NPR3: variants seen among roughly 807,000 people sequenced by gnomAD.
NPR3 encodes the protein atrial natriuretic peptide receptor 3.
NPR3 carries 34 observed loss-of-function variants against 54.5 expected under a neutral mutation model. That is an observed-to-expected ratio of 0.62 (90% CI 0.47 to 0.83). NPR3 has a LOEUF of 0.83. Among genes scored for constraint, NPR3 ranks in the 40% least tolerant of loss-of-function variants. NPR3 has a pLI of 0.00. For missense variants in NPR3, 674 were observed against 720.8 expected, an observed-to-expected ratio of 0.94 and a Z score of 0.74; for synonymous variants, 289 against 297.1, an observed-to-expected ratio of 0.97 and a Z score of 0.28.
intron 2 of NPR3, among the ~76,000 whole-genome samples, chr5:32,732,829 T>C (rs992672667): frequency 6.6e-6 from 1 of 152,136 alleles, no homozygotes; most frequent in Non-Finnish European, 1.5e-5. Flanking sequence ...TTATTATTTA[T>C]TACTATTTTA....
chr5:32,692,422 A>G (rs1352497142), intron 1 of NPR3, among the ~76,000 whole-genome samples: 3 of 152,234 alleles, frequency 2.0e-5, no homozygotes, highest in Non-Finnish European at 4.4e-5. Flanking sequence ...TTTGTAGGAT[A>G]GATGAGGCAC....
Position 32,711,942 on chromosome 5 carries a change from C to T in NPR3, c.166C>T (p.Leu56=), listed in dbSNP as rs1199139572. 1.3e-6 allele frequency: 2 copies of T among 1,547,342 alleles called. No homozygotes were observed. The highest frequency in any genetic ancestry group is 2.7e-5 in the African/African-American group (2 of 72,896). The change falls in exon 1 of 8, where the codon CTG becomes TTG. Residue 56 remains leucine (L), a synonymous_variant. Transcript: ENST00000265074. ...GCTGCCGCCACAGAAGATCGAGGTG[C>T]TGGTGTTACTGCCCCAGGATGACTC... The part of the protein sequence containing the change: ...EALPPQKIEV[L]VLLPQDDSYL...
chr5:32,734,944 A>G (rs1165745258), intron 2 of NPR3, among the ~76,000 whole-genome samples: 1 of 151,960 alleles, frequency 6.6e-6, no homozygotes, highest in Non-Finnish European at 1.5e-5. Flanking sequence ...GTTCTCTGTT[A>G]GCTCCTCTCT....
chr5:32,774,941 G>A (rs1173743), intron 4 of NPR3, 98 bp downstream of exon 4: 12 of 909,376 alleles, frequency 1.3e-5, no homozygotes, highest in Non-Finnish European at 2.0e-5. Context: ...CCTTTCCAGC[G>A]TCTTGCTTTT....
At position 32,724,688 on chromosome 5, in the gene NPR3, C is replaced by T. The variant is rs374865702; in HGVS notation, c.770-10C>T. ...GGGTGCCTCATGTGTGTTGTTTGTT[C>T]CTCCCCTAGTGGTGATCATGTGTGC... On this transcript the variant is annotated splice_polypyrimidine_tract_variant and intron_variant, in intron 1 of 7. Coordinates refer to ENST00000265074, the MANE Select transcript of NPR3 (RefSeq NM_001204375.2). The T allele has an allele frequency of 2.5e-6, 4 of 1,613,844 alleles. No individual in the cohort carries two copies. The African/African-American group carries it at 4.0e-5, about 16-fold the overall frequency.
intron 2 of NPR3, among the ~76,000 whole-genome samples, chr5:32,729,714 A>C (rs1399401610): frequency 6.6e-6 from 1 of 152,218 alleles, no homozygotes; most frequent in Non-Finnish European, 1.5e-5. Context: ...TTGGGTATCT[A>C]AACATAGATT....
chr5:32,740,153 C>T (rs1376559075), intron 3 of NPR3, among the ~76,000 whole-genome samples: 1 of 152,206 alleles, frequency 6.6e-6, no homozygotes, highest in Non-Finnish European at 1.5e-5. Context: ...AGGATTTCTC[C>T]TAGTTTCTCT....
chr5:32,695,778 G>A (rs1391577545), intron 1 of NPR3, among the ~76,000 whole-genome samples: 1 of 152,204 alleles, frequency 6.6e-6, no homozygotes, highest in Non-Finnish European at 1.5e-5. Context: ...GATCAATGAT[G>A]TTGAGCACCT....
chr5:32,743,287 G>A (rs947489678), intron 3 of NPR3, among the ~76,000 whole-genome samples: 24 of 152,114 alleles, frequency 1.6e-4, no homozygotes, highest in African/African-American at 4.8e-4. Flanking sequence ...CCAGTTTCCC[G>A]CAATGGTAAC....
At chr5:32,758,569 AT>A (rs1369122531) in intron 3 of NPR3, among the ~76,000 whole-genome samples, 1 of 145,178 alleles carries the variant, frequency 6.9e-6, no homozygotes, top group African/African-American at 2.6e-5. Context: ...GGATGCATTG[AT>A]TTTTTTGAAG....
chr5:32,711,074 A>G (rs991495808), upstream of NPR3, among the ~76,000 whole-genome samples: 1 of 152,064 alleles, frequency 6.6e-6, no homozygotes, highest in Admixed American at 6.5e-5. Context: ...TTCAGCTTTA[A>G]GGAAAAGGCA....
intron 3 of NPR3, among the ~76,000 whole-genome samples, chr5:32,772,926 C>T (rs752753321): frequency 1.3e-5 from 2 of 152,190 alleles, no homozygotes; most frequent in Non-Finnish European, 2.9e-5. Flanking sequence ...AACTGCTTCT[C>T]GGCACTAGCT....
intron 2 of NPR3, among the ~76,000 whole-genome samples, chr5:32,729,036 T>TTG (rs1491300037): frequency 0.054 from 549 of 10,236 alleles, 20 homozygotes; most frequent in African/African-American, 0.1. Flanking sequence ...TTTTGTTTTG[T>TTG]TTTTTTTTTT....
At chr5:32,700,388 A>T (rs1740636703) in intron 1 of NPR3, among the ~76,000 whole-genome samples, 1 of 151,866 alleles carries the variant, frequency 6.6e-6, no homozygotes, top group African/African-American at 2.4e-5. Flanking sequence ...TTGTTTTTTT[A>T]AATTCTTTTT....
At chr5:32,761,903 A>G (rs1741186071) in intron 3 of NPR3, among the ~76,000 whole-genome samples, 1 of 152,056 alleles carries the variant, frequency 6.6e-6, no homozygotes, top group Admixed American at 6.6e-5. Context: ...TCAACCTGTC[A>G]TCTACATTAG....
rs752555973 is a variant in NPR3 at position 32,784,898 on chromosome 5, TAAAGGTAC to T, written c.1514+18_1514+25del. The T allele has an allele frequency of 5.1e-6, 8 of 1,581,016 alleles. No individual in the cohort carries two copies. The highest frequency in any genetic ancestry group is 7.0e-6 in the Non-Finnish European group (8 of 1,149,934). ...TACTTTTTCAGGTGAGGACGGTTTG[TAAAGGTAC>T]AATTCACTCTCTTCTGCTGTCTTTG... On this transcript the variant is annotated intron_variant, in intron 7 of 7. Coordinates refer to ENST00000265074, the MANE Select transcript of NPR3 (RefSeq NM_001204375.2).
At position 32,693,984 on chromosome 5, in the gene NPR3, T is replaced by G. The variant is rs549098471; in HGVS notation, c.100+4798T>G. Among the ~76,000 whole-genome samples the G allele has an allele frequency of 6.8e-3, 1,038 of 152,312 alleles. 8 individuals carry two copies. Among genetic ancestry groups the G allele is most frequent in the Non-Finnish European group, 9.8e-3 (664 of 68,032 alleles). On this transcript the variant is annotated intron_variant, in intron 1 of 5. Transcript: ENST00000509104. ...TGCATAGCCACTTTTATTTTCACCC[T>G]TTCTTTTCTCGTTGCCTCTGATGGC...
chr5:32,760,414 T>C (rs577701923), intron 3 of NPR3, among the ~76,000 whole-genome samples: 80 of 152,330 alleles, frequency 5.3e-4, no homozygotes, highest in African/African-American at 1.9e-3. Flanking sequence ...AATGCTACCT[T>C]GCTGTAGTTT....
At chr5:32,739,081 C>A in intron 3 of NPR3, 51 bp downstream of exon 3, 1 of 1,563,834 alleles carries the variant, frequency 6.4e-7, no homozygotes, top group South Asian at 1.2e-5. Flanking sequence ...AAACTGTCTT[C>A]TAATTAAATC....
Sources: gnomAD v4.1 joint callset for allele counts (sites outside exome capture counted in the v4.1 genomes callset) on GRCh38, gnomAD v4.1.1 for gene constraint, MANE v1.5 for transcripts, NCBI Gene and HGNC (gene_info 2026-07-23, HGNC 2026-07-21) for gene names.